DNAH10: variants seen among roughly 807,000 people sequenced by gnomAD.
DNAH10 encodes axonemal beta dynein heavy chain 10.
Under a neutral mutation model 506.6 loss-of-function variants are expected in DNAH10, and 348 were observed. The observed-to-expected ratio is 0.69, with a 90% CI of 0.63 to 0.75. DNAH10 has a LOEUF of 0.75. Ranked by LOEUF, DNAH10 falls within the 30% of genes least tolerant of loss-of-function variation. The probability of loss-of-function intolerance (pLI) is 0.00; values close to 1 mark genes in which losing one functional copy is unlikely to be tolerated. For missense variants in DNAH10, 5,179 were observed against 5,787.1 expected, an observed-to-expected ratio of 0.89 and a Z score of 3.41; for synonymous variants, 2,059 against 2,198.6, an observed-to-expected ratio of 0.94 and a Z score of 1.78.
At chr12:123,828,563 G>A (rs1960222332) in intron 25 of DNAH10, among the ~76,000 whole-genome samples, 1 of 152,110 alleles carries the variant, frequency 6.6e-6, no homozygotes, top group South Asian at 2.1e-4. Context: ...TCTGCTTTTA[G>A]CTCCCCTATC....
chr12:123,914,929 C>G lies in DNAH10; in HGVS notation c.10652C>G (p.Pro3551Arg). The change falls in exon 62 of 79, where the codon CCT becomes CGT. Residue 3551 changes from proline (P) to arginine (R), a missense_variant. This residue lies in a region of DNAH10 where 4,844 missense variants were observed against 5,430.5 expected (regional missense o/e 0.89). Coordinates refer to ENST00000673944, the MANE Select transcript of DNAH10 (RefSeq NM_001372106.1). Reference sequence around the variant, plus strand: ...CTCACCACCCGGGCCAGCCGCTTCCCTCTGTGTATCGACCCCCAGCAGCAG... The same window carrying G: ...CTCACCACCCGGGCCAGCCGCTTCCGTCTGTGTATCGACCCCCAGCAGCAG... ...GILTTRASRF[P>R]LCIDPQQQAL... 6.2e-7 allele frequency: 1 copy of G among 1,613,052 alleles called. No individual in the cohort carries two copies. Among genetic ancestry groups the G allele is most frequent in the Non-Finnish European group, 8.5e-7 (1 of 1,179,548 alleles).
chr12:123,840,412 T>G (rs1457318787), intron 29 of DNAH10, among the ~76,000 whole-genome samples: 46 of 141,652 alleles, frequency 3.2e-4, no homozygotes, highest in Admixed American at 2.0e-3. Context: ...TTTTTTTTTT[T>G]TTTTTTTTTT....
intron 39 of DNAH10, among the ~76,000 whole-genome samples, chr12:123,862,203 A>C (rs1951638369): frequency 6.6e-6 from 1 of 152,160 alleles, no homozygotes; most frequent in South Asian, 2.1e-4. Flanking sequence ...TCCTCTTTGC[A>C]GTTGATATGC....
intron 17 of DNAH10, 144 bp downstream of exon 17, chr12:123,803,969 A>C: frequency 1.3e-6 from 1 of 751,978 alleles, no homozygotes; most frequent in Non-Finnish European, 2.0e-6. Flanking sequence ...TAATGCTCTC[A>C]GTCATTTACT....
At chr12:123,790,609 A>C (rs912266962) in intron 11 of DNAH10, among the ~76,000 whole-genome samples, 1 of 152,252 alleles carries the variant, frequency 6.6e-6, no homozygotes, top group East Asian at 1.9e-4. Context: ...TGGGAAGAAC[A>C]GTGTGAATGA....
At chr12:123,923,026 T>A (rs1175605576) in intron 65 of DNAH10, 2 of 152,222 alleles carry the variant, frequency 1.3e-5, no homozygotes, top group African/African-American at 4.8e-5. Flanking sequence ...ACATATAAAG[T>A]AGAATTCAAA....
chr12:123,796,843 C>T lies in DNAH10; in HGVS notation c.2163+11C>T. ...GATCGAGGACAGGAGGTATGTTGCT[C>T]TTGCTAGAATTGGCTCCTTTTGTAT... is the stretch of plus-strand genomic sequence containing the variant. On this transcript the variant is annotated intron_variant, in intron 13 of 78. Coordinates refer to ENST00000673944, the MANE Select transcript of DNAH10 (RefSeq NM_001372106.1). 2 of 1,580,484 alleles carry T rather than the reference C, an allele frequency of 1.3e-6. No individual in the cohort carries two copies. Among genetic ancestry groups the T allele is most frequent in the South Asian group, 1.2e-5 (1 of 84,442 alleles).
At chr12:123,861,782 A>T (rs1951621752) in intron 39 of DNAH10, among the ~76,000 whole-genome samples, 1 of 152,254 alleles carries the variant, frequency 6.6e-6, no homozygotes, top group Admixed American at 6.5e-5. Context: ...TTCTAATCAA[A>T]TCCCATTAAT....
intron 13 of DNAH10, among the ~76,000 whole-genome samples, 186 bp from the exon 14 acceptor site, chr12:123,799,060 G>A (rs866125879): frequency 4.8e-5 from 7 of 144,858 alleles, no homozygotes; most frequent in South Asian, 2.1e-4. Flanking sequence ...AGCTGAGATC[G>A]CGCTACTACA....
chr12:123,861,037 A>G lies in DNAH10; in HGVS notation c.6775A>G (p.Ile2259Val). Residue 2259 changes from isoleucine to valine, a missense_variant, in exon 39 of 79, where the codon ATC becomes GTC. Ile to Val is a conservative substitution (Grantham distance 29). Transcript: ENST00000673944. ...GCTTGGGCTGACGACAAAGTTGTAC[A>G]TCCTGAACCCCAAAGCCGTGAGTGT... ...TKLGLTTKLYILNPKAVSVIE... is the reference protein window; with the variant it reads ...TKLGLTTKLYVLNPKAVSVIE... 6.2e-7 allele frequency: 1 copy of G among 1,613,994 alleles called. No individual in the cohort carries two copies. The highest frequency in any genetic ancestry group is 1.3e-5 in the African/African-American group (1 of 75,044).
chr12:123,910,439 A>G, intron 58 of DNAH10, 97 bp from the exon 59 acceptor site: 1 of 1,464,856 alleles, frequency 6.8e-7, no homozygotes, highest in Non-Finnish European at 9.3e-7. Flanking sequence ...TCACAGGGCC[A>G]CTGAAGAATA....
intron 59 of DNAH10, among the ~76,000 whole-genome samples, chr12:123,912,662 A>C (rs1954280019): frequency 6.6e-6 from 1 of 152,200 alleles, no homozygotes. Context: ...GCGGGGCCAA[A>C]GTCACATGAA....
Position 123,813,174 on chromosome 12 carries a change from G to T in DNAH10, c.3155G>T (p.Arg1052Leu), listed in dbSNP as rs146982685. The change falls in exon 20 of 79, where the codon CGT becomes CTT. Residue 1052 changes from arginine (R) to leucine (L), a missense_variant. Around this residue, in one of 3 missense-constraint regions of DNAH10, gnomAD observed 4,844 missense variants for 5,430.5 expected, o/e 0.89. Transcript: ENST00000673944. ...TTCTTACTTTGCCAGCATTTTGTTCGTTGGATGAATGGCAGCTGCATAGAA... is the reference window on the plus strand; with the variant it reads ...TTCTTACTTTGCCAGCATTTTGTTCTTTGGATGAATGGCAGCTGCATAGAA... ...NCVEITKHFV[R>L]WMNGSCIECP... 1 of 1,601,028 alleles carries T rather than the reference G, an allele frequency of 6.2e-7. No homozygotes were observed. Among genetic ancestry groups the T allele is most frequent in the Non-Finnish European group, 8.5e-7 (1 of 1,173,680 alleles).
intron 24 of DNAH10, among the ~76,000 whole-genome samples, chr12:123,821,755 A>G (rs1959430717): frequency 6.6e-6 from 1 of 151,934 alleles, no homozygotes; most frequent in Non-Finnish European, 1.5e-5. Context: ...TAAACTGTTT[A>G]GTTGCAAGCG....
At position 123,902,876 on chromosome 12, in the gene DNAH10, CCGG is replaced by C. The variant is rs1953590057; in HGVS notation, c.9641-62_9641-60del. On this transcript the variant is annotated intron_variant, in intron 56 of 78. Transcript: ENST00000673944. This position sits in a 1 kb window ranked among gnomAD's most constrained non-coding sequence, Gnocchi z 4.5. ...TTTGAGGACTGCACTCTGCTCAGAGCCGGGGCCGCGAGTGCATCTCCTCTGAGC... is the reference window on the plus strand; with the variant it reads ...TTTGAGGACTGCACTCTGCTCAGAGCGGCCGCGAGTGCATCTCCTCTGAGC... 2.7e-6 allele frequency: 4 copies of C among 1,507,182 alleles called. No homozygotes were observed. The highest frequency in any genetic ancestry group is 4.3e-5 in the Admixed American group (2 of 46,924). The allele number at this position is 1,507,182 out of a possible 1,614,324, so 93.4% of individuals were successfully genotyped here.
chr12:123,828,203 A>G (rs970091447), intron 25 of DNAH10, among the ~76,000 whole-genome samples: 5 of 152,096 alleles, frequency 3.3e-5, no homozygotes, highest in Non-Finnish European at 7.4e-5. Flanking sequence ...AACTAGCTCA[A>G]AACAGTCGCC....
intron 5 of DNAH10, among the ~76,000 whole-genome samples, chr12:123,774,963 C>G (rs1191384732): frequency 1.3e-5 from 2 of 152,152 alleles, no homozygotes; most frequent in Non-Finnish European, 2.9e-5. Flanking sequence ...AGGGGAAAGA[C>G]ATGGCACACA....
rs1937200265 is a variant in DNAH10 at position 123,928,298 on chromosome 12, C to A, written c.12106-89C>A. ...TTGGCTTCTGCTGGAGCTGCCATCG[C>A]CCTTCTGTGGGTGTGGAGTGGGTCT... On this transcript the variant is annotated intron_variant, in intron 69 of 78. Coordinates refer to ENST00000673944, the MANE Select transcript of DNAH10 (RefSeq NM_001372106.1). This position sits in a 1 kb window ranked among gnomAD's most constrained non-coding sequence, Gnocchi z 4.9. The A allele has an allele frequency of 7.1e-7, 1 of 1,413,640 alleles. No homozygotes were observed. The highest frequency in any genetic ancestry group is 2.2e-5 in the Admixed American group (1 of 46,192). 87.6% of individuals were successfully genotyped at this position (1,413,640 alleles called of 1,614,324 possible).
chr12:123,762,451 C>A lies in DNAH10; in HGVS notation c.115C>A (p.Leu39Ile). 6.7e-7 allele frequency: 1 copy of A among 1,484,622 alleles called. No homozygotes were observed. Among genetic ancestry groups the A allele is most frequent in the South Asian group, 1.3e-5 (1 of 75,284 alleles). The allele number at this position is 1,484,622 out of a possible 1,614,324, so 92.0% of individuals were successfully genotyped here. Residue 39 changes from leucine to isoleucine, a missense_variant, in exon 1 of 79, where the codon CTC becomes ATC. Around this residue, in one of 3 missense-constraint regions of DNAH10, gnomAD observed 326 missense variants for 330.8 expected, o/e 0.99. Coordinates refer to ENST00000673944, the MANE Select transcript of DNAH10 (RefSeq NM_001372106.1). The surrounding 1 kb of genome is among the most constrained non-coding windows in gnomAD (Gnocchi z 5.0). ...CCGCGACGACGGCCAGGGCGAGGACCTCATCTTGCACTTCCTCAACCAGGC... is the reference window on the plus strand; with the variant it reads ...CCGCGACGACGGCCAGGGCGAGGACATCATCTTGCACTTCCTCAACCAGGC... ...LNRDDGQGED[L>I]ILHFLNQASE...
Sources: gnomAD v4.1 joint callset for allele counts (sites outside exome capture counted in the v4.1 genomes callset) on GRCh38, gnomAD v4.1.1 for gene constraint, gnomAD v4.1.1 regional missense constraint, Gnocchi (gnomAD v3.1) non-coding constraint, MANE v1.5 for transcripts, NCBI Gene and HGNC (gene_info 2026-07-23, HGNC 2026-07-21) for gene names.